Variants in CRPPA observed in about 807,000 individuals in gnomAD.
CRPPA encodes the protein D-ribitol-5-phosphate cytidylyltransferase.
In CRPPA, 43 loss-of-function variants were observed where a neutral mutation model predicts 52.0. That is an observed-to-expected ratio of 0.83 (90% CI 0.65 to 1.07). The LOEUF is 1.07. Ranked by LOEUF, CRPPA falls within the 50% of genes least tolerant of loss-of-function variation. The pLI, the probability that CRPPA is intolerant of heterozygous loss-of-function variation, is 0.00. For synonymous variants in CRPPA, 250 were observed against 203.5 expected (o/e 1.23, Z -1.94); for missense variants, 629 against 551.7 (o/e 1.14, Z -1.40).
At chr7:16,379,975 C>T (rs1787030811) in intron 2 of CRPPA, among the ~76,000 whole-genome samples, 1 of 151,986 alleles carries the variant, frequency 6.6e-6, no homozygotes, top group Non-Finnish European at 1.5e-5. Flanking sequence ...ACTGAATACC[C>T]TTTATTTCCT....
Position 16,404,093 on chromosome 7 carries a change from G to GA in CRPPA, c.534+1967dup, listed in dbSNP as rs145890562. Among the ~76,000 whole-genome samples the GA allele has an allele frequency of 9.7e-3, 1,473 of 152,114 alleles. 30 individuals carry two copies. The highest frequency in any genetic ancestry group is 0.034 in the African/African-American group (1,398 of 41,498). On this transcript the variant is annotated intron_variant, in intron 2 of 9. Coordinates refer to ENST00000407010, the MANE Select transcript of CRPPA (RefSeq NM_001101426.4). ...GTCTGGTTCTCTCATTAATAAACTT[G>GA]AAAAAATTCTTAAACATGGATGTAT...
chr7:16,330,319 A>T (rs538930232), intron 3 of CRPPA, among the ~76,000 whole-genome samples: 2 of 152,312 alleles, frequency 1.3e-5, no homozygotes, highest in Non-Finnish European at 2.9e-5. Flanking sequence ...GATCGTCAAG[A>T]CATATGTTTT....
At chr7:16,150,199 T>C (rs1305541683) in intron 9 of CRPPA, among the ~76,000 whole-genome samples, 1 of 152,162 alleles carries the variant, frequency 6.6e-6, no homozygotes, top group South Asian at 2.1e-4. Context: ...TTTGTAATAA[T>C]GTTAGATTTA....
intron 2 of CRPPA, among the ~76,000 whole-genome samples, chr7:16,404,240 T>C (rs1787897315): frequency 6.6e-6 from 1 of 152,218 alleles, no homozygotes; most frequent in African/African-American, 2.4e-5. Flanking sequence ...CTGAACCAGC[T>C]TCTTAATCTA....
At chr7:16,389,330 T>C (rs1787376724) in intron 2 of CRPPA, among the ~76,000 whole-genome samples, 1 of 152,048 alleles carries the variant, frequency 6.6e-6, no homozygotes. Context: ...TTGTAAACAA[T>C]GCAAAAACAG....
chr7:16,158,083 A>C (rs1338527184), intron 9 of CRPPA, among the ~76,000 whole-genome samples: 1 of 148,654 alleles, frequency 6.7e-6, no homozygotes, highest in East Asian at 2.0e-4. Flanking sequence ...ACGGGGTTTC[A>C]CCATGTTGGC....
chr7:16,366,449 G>A (rs1042467342), intron 3 of CRPPA, among the ~76,000 whole-genome samples: 1 of 152,146 alleles, frequency 6.6e-6, no homozygotes, highest in Admixed American at 6.5e-5. Flanking sequence ...AGCTACAGAA[G>A]ATGTGGCTGA....
intron 9 of CRPPA, among the ~76,000 whole-genome samples, chr7:16,160,243 T>C (rs1783274573): frequency 6.6e-6 from 1 of 152,238 alleles, no homozygotes; most frequent in Non-Finnish European, 1.5e-5. Context: ...TCTCTGCCTA[T>C]GCCTATGTCC....
At chr7:16,322,766 T>C (rs1186539375) in intron 3 of CRPPA, among the ~76,000 whole-genome samples, 1 of 152,136 alleles carries the variant, frequency 6.6e-6, no homozygotes, top group Admixed American at 6.5e-5. Flanking sequence ...ATATTGGGTA[T>C]ATAGTGAACA....
rs1328924502 is a variant in CRPPA, at chr7:16,090,134, G to C, written c.*1561C>G. ...CCATCCTCAAAAACTTAAATTAATG[G>C]ATTTTAAATTTCTTAATATTCCTAG... is the stretch of plus-strand genomic sequence containing the variant. On this transcript the variant is annotated 3_prime_UTR_variant, in exon 10 of 10. Coordinates refer to ENST00000407010, the MANE Select transcript of CRPPA (RefSeq NM_001101426.4). 2 of 151,960 alleles carry C rather than the reference G, an allele frequency of 1.3e-5. No homozygotes were observed. The highest frequency in any genetic ancestry group is 4.8e-5 in the African/African-American group (2 of 41,330). 9.4% of individuals were successfully genotyped at this position (151,960 alleles called of 1,614,324 possible). A position where few individuals can be genotyped will look rare whatever the true frequency, so the allele number is the denominator to read the frequency against.
chr7:16,341,374 C>G (rs996040624), intron 3 of CRPPA, among the ~76,000 whole-genome samples: 1 of 152,024 alleles, frequency 6.6e-6, no homozygotes, highest in Non-Finnish European at 1.5e-5. Flanking sequence ...TATAAAGGAT[C>G]TCTCTGTACC....
chr7:16,397,608 A>G (rs1787637987), intron 2 of CRPPA, among the ~76,000 whole-genome samples: 1 of 151,962 alleles, frequency 6.6e-6, no homozygotes, highest in African/African-American at 2.4e-5. Flanking sequence ...GACGTGTGAC[A>G]CGTGACACGT....
intron 9 of CRPPA, among the ~76,000 whole-genome samples, chr7:16,137,165 T>C (rs566620206): frequency 3.3e-4 from 50 of 152,314 alleles, no homozygotes; most frequent in Non-Finnish European, 5.6e-4. Flanking sequence ...AGAGACTTCA[T>C]GAATGGGATT....
At chr7:16,171,246 T>A (rs1251608604) in intron 9 of CRPPA, among the ~76,000 whole-genome samples, 1 of 152,246 alleles carries the variant, frequency 6.6e-6, no homozygotes, top group Admixed American at 6.5e-5. Context: ...ACCTTTTATG[T>A]AACTCAACAT....
chr7:16,225,767 C>T (rs930194887), intron 8 of CRPPA, among the ~76,000 whole-genome samples: 4 of 151,916 alleles, frequency 2.6e-5, no homozygotes, highest in African/African-American at 9.7e-5. Flanking sequence ...TTACAGTTTA[C>T]TTCATAAATA....
intron 2 of CRPPA, among the ~76,000 whole-genome samples, chr7:16,390,280 G>A (rs555718065): frequency 1.3e-5 from 2 of 151,628 alleles, no homozygotes; most frequent in Non-Finnish European, 2.9e-5. Context: ...CAATTCTTTC[G>A]ATATATATCT....
intron 9 of CRPPA, among the ~76,000 whole-genome samples, chr7:16,123,151 G>A (rs538028892): frequency 3.9e-3 from 599 of 152,158 alleles, no homozygotes; most frequent in Non-Finnish European, 6.8e-3. Context: ...AAAGCTATGA[G>A]AAATTATAAA....
chr7:16,260,007 T>TA (rs1554300567), intron 6 of CRPPA, among the ~76,000 whole-genome samples: 3 of 151,948 alleles, frequency 2.0e-5, no homozygotes, highest in Non-Finnish European at 4.4e-5. Context: ...ATATTGAGCA[T>TA]AAAGCTCAAA....
intron 1 of CRPPA, among the ~76,000 whole-genome samples, chr7:16,417,514 T>C (rs1788222710): frequency 6.6e-6 from 1 of 152,182 alleles, no homozygotes; most frequent in Non-Finnish European, 1.5e-5. Context: ...CTGGAGGCCA[T>C]TATTCTAAGC....
Sources: gnomAD v4.1 joint callset for allele counts (sites outside exome capture counted in the v4.1 genomes callset) on GRCh38, gnomAD v4.1.1 for gene constraint, MANE v1.5 for transcripts, NCBI Gene and HGNC (gene_info 2026-07-23, HGNC 2026-07-21) for gene names.